Variants in BCL9 observed in about 807,000 individuals in gnomAD.
BCL9 encodes the protein B-cell CLL/lymphoma 9 protein.
A neutral mutation model predicts 88.5 loss-of-function variants in BCL9; 25 were observed. The ratio of observed to expected loss-of-function variants is 0.28; its 90% CI spans 0.21 to 0.39. BCL9 has a LOEUF of 0.39. Among genes scored for constraint, BCL9 ranks in the 10% least tolerant of loss-of-function variants. The probability of loss-of-function intolerance (pLI) is 1.00; values close to 1 mark genes in which losing one functional copy is unlikely to be tolerated. For synonymous variants in BCL9, 711 were observed against 673.3 expected, an observed-to-expected ratio of 1.06 and a Z score of -0.87; for missense variants, 1,817 against 1,877.8, an observed-to-expected ratio of 0.97 and a Z score of 0.60.
intron 1 of BCL9, among the ~76,000 whole-genome samples, chr1:147,596,267 C>G (rs1200822149): frequency 6.6e-6 from 1 of 152,102 alleles, no homozygotes; most frequent in Non-Finnish European, 1.5e-5. Context: ...CCATTGACTT[C>G]AATAGACTGG....
intron 7 of BCL9, among the ~76,000 whole-genome samples, chr1:147,616,205 C>T (rs1553203812): frequency 6.6e-6 from 1 of 152,122 alleles, no homozygotes. Flanking sequence ...AATTCAGACC[C>T]TGTGTACAGA....
Position 147,624,305 on chromosome 1 carries a change from C to T in BCL9, c.3627C>T (p.Asn1209=), listed in dbSNP as rs1553206053. The T allele has an allele frequency of 6.2e-7, 1 of 1,614,138 alleles. No homozygotes were observed. Among genetic ancestry groups the T allele is most frequent in the South Asian group, 1.1e-5 (1 of 91,086 alleles). Residue 1209 remains asparagine, a synonymous_variant, in exon 10 of 10, where the codon AAC becomes AAT. Transcript: ENST00000234739. The surrounding 1 kb of genome is among the most constrained non-coding windows in gnomAD (Gnocchi z 4.4). The part of the protein sequence containing the change: ...GGPDSFTVLG[N]SMPSVFTDPD... ...CTGACTCCTTCACTGTCCTGGGGAA[C>T]AGCATGCCTTCGGTGTTTACAGACC...
At chr1:147,558,456 A>G (rs1655218786) in intron 1 of BCL9, among the ~76,000 whole-genome samples, 1 of 152,144 alleles carries the variant, frequency 6.6e-6, no homozygotes, top group Non-Finnish European at 1.5e-5. Flanking sequence ...CTAAGAGTAG[A>G]AGGAAATCTT....
At chr1:147,557,098 T>C (rs1178369878) in intron 1 of BCL9, among the ~76,000 whole-genome samples, 2 of 152,220 alleles carry the variant, frequency 1.3e-5, no homozygotes, top group Non-Finnish European at 2.9e-5. Context: ...ATTTCTAATA[T>C]TGCTGCAAGA....
chr1:147,606,846 G>A lies in BCL9; in HGVS notation c.-280G>A, dbSNP rs587725196. ...TCACCTCCAGGATGAGCACTGCAGT[G>A]TCGTGACCCTTGGGGTTTTGGTGAG... On this transcript the variant is annotated 5_prime_UTR_variant, in exon 3 of 10. Coordinates refer to ENST00000234739, the MANE Select transcript of BCL9 (RefSeq NM_004326.4). 1 of 152,730 alleles carries A rather than the reference G, an allele frequency of 6.5e-6. No individual in the cohort carries two copies. The highest frequency in any genetic ancestry group is 1.5e-5 in the Non-Finnish European group (1 of 68,042). 9.5% of individuals were successfully genotyped at this position (152,730 alleles called of 1,614,324 possible).
At chr1:147,610,926 C>T (rs587673671) in intron 3 of BCL9, among the ~76,000 whole-genome samples, 27 of 152,316 alleles carry the variant, frequency 1.8e-4, no homozygotes, top group Non-Finnish European at 2.8e-4. Context: ...CCTGCAGTCC[C>T]TGTCATTAAG....
Position 147,619,771 on chromosome 1 carries a change from A to G in BCL9, c.1616A>G (p.Asn539Ser). Residue 539 changes from asparagine to serine, a missense_variant, in exon 8 of 10, where the codon AAC (asparagine) becomes AGC (serine). By Grantham distance (46) the Asn-to-Ser change is conservative. Coordinates refer to ENST00000234739, the MANE Select transcript of BCL9 (RefSeq NM_004326.4). This position sits in a 1 kb window ranked among gnomAD's most constrained non-coding sequence, Gnocchi z 4.1. ...GGTEPFSDGI[N>S]MPHSLPPRGM... The stretch of plus-strand genomic sequence containing the variant: ...ACAGAGCCATTTTCTGATGGTATCA[A>G]CATGCCACATTCTCTGCCCCCGAGG... The G allele has an allele frequency of 1.9e-6, 3 of 1,614,142 alleles. No individual in the cohort carries two copies. The highest frequency in any genetic ancestry group is 2.5e-6 in the Non-Finnish European group (3 of 1,180,012).
chr1:147,555,559 T>C (rs781958159), intron 1 of BCL9, among the ~76,000 whole-genome samples: 48 of 152,260 alleles, frequency 3.2e-4, no homozygotes, highest in Non-Finnish European at 5.9e-4. Flanking sequence ...GATGGAAACA[T>C]ACCTTAAGCT....
intron 7 of BCL9, among the ~76,000 whole-genome samples, chr1:147,616,581 C>G (rs587676803): frequency 1.3e-5 from 2 of 152,174 alleles, no homozygotes; most frequent in East Asian, 3.9e-4. Flanking sequence ...TCCTGGCTAA[C>G]CCAGTGAAAC....
chr1:147,561,918 A>T (rs1197675476), intron 1 of BCL9, among the ~76,000 whole-genome samples: 1 of 152,192 alleles, frequency 6.6e-6, no homozygotes, highest in Non-Finnish European at 1.5e-5. Context: ...GTCAATTCAG[A>T]CCCAGAAAAT....
rs782742064 is a variant in BCL9, at chr1:147,619,958, T to C, written c.1803T>C (p.Asp601=). The part of the protein sequence containing the change: ...SWPDDVPKIP[D]GRNFPPGQGI... ...CAGATGATGTGCCAAAAATCCCAGA[T>C]GGTCGAAATTTTCCTCCTGGCCAGG... Residue 601 remains aspartate, a synonymous_variant, in exon 8 of 10, where the codon GAT becomes GAC. Transcript: ENST00000234739. The surrounding 1 kb of genome is among the most constrained non-coding windows in gnomAD (Gnocchi z 4.1). The C allele has an allele frequency of 1.2e-6, 2 of 1,614,198 alleles. No individual in the cohort carries two copies. Among genetic ancestry groups the C allele is most frequent in the Non-Finnish European group, 1.7e-6 (2 of 1,180,036 alleles).
chr1:147,598,419 T>C (rs587669692), intron 1 of BCL9, among the ~76,000 whole-genome samples: 3 of 152,330 alleles, frequency 2.0e-5, no homozygotes, highest in South Asian at 2.1e-4. Context: ...GGGAGGCGGC[T>C]ATGGTAACTT....
chr1:147,616,774 A>AC, intron 7 of BCL9, among the ~76,000 whole-genome samples: 2 of 151,006 alleles, frequency 1.3e-5, no homozygotes, highest in Non-Finnish European at 3.0e-5. Context: ...CTCTGTCTCA[A>AC]AAAAAAAAAG....
intron 2 of BCL9, among the ~76,000 whole-genome samples, chr1:147,606,243 G>A (rs1170249246): frequency 6.6e-6 from 1 of 152,146 alleles, no homozygotes; most frequent in East Asian, 1.9e-4. Flanking sequence ...CTGAATAAAA[G>A]GAAGTCATCT....
chr1:147,572,303 G>A (rs148266469), intron 1 of BCL9, among the ~76,000 whole-genome samples: 14 of 152,264 alleles, frequency 9.2e-5, no homozygotes, highest in African/African-American at 2.2e-4. Flanking sequence ...ATAAAACACC[G>A]TAAAACACAA....
At chr1:147,614,324 CT>C in intron 5 of BCL9, 102 bp from the exon 6 acceptor site, 1 of 1,149,656 alleles carries the variant, frequency 8.7e-7, no homozygotes, top group Non-Finnish European at 1.2e-6. Context: ...CAAGGTGGTA[CT>C]TCCTTGAAAT....
intron 4 of BCL9, 35 bp downstream of exon 4, chr1:147,611,924 C>T (rs1195584820): frequency 1.3e-6 from 2 of 1,595,252 alleles, no homozygotes; most frequent in Non-Finnish European, 1.7e-6. Flanking sequence ...CCTGCAGCCC[C>T]TTGGGGATGC....
chr1:147,550,793 A>T (rs1479357725), intron 1 of BCL9, among the ~76,000 whole-genome samples: 1 of 152,196 alleles, frequency 6.6e-6, no homozygotes, highest in African/African-American at 2.4e-5. Context: ...TGGGCTGGTT[A>T]TTTATTCTCT....
chr1:147,554,808 T>C (rs1553195234), intron 1 of BCL9, among the ~76,000 whole-genome samples: 1 of 152,194 alleles, frequency 6.6e-6, no homozygotes, highest in African/African-American at 2.4e-5. Context: ...TTGGGGGAAC[T>C]GAGTGAGCTA....
Sources: allele counts gnomAD v4.1 joint callset (sites outside exome capture counted in the v4.1 genomes callset), GRCh38; gene constraint gnomAD v4.1.1; non-coding constraint Gnocchi (gnomAD v3.1); transcripts MANE v1.5; gene names NCBI Gene and HGNC (gene_info 2026-07-23, HGNC 2026-07-21).